Variants in HMG20A observed in about 807,000 individuals in gnomAD.
HMG20A encodes high mobility group protein 20A.
A neutral mutation model predicts 43.9 loss-of-function variants in HMG20A; 17 were observed. The ratio of observed to expected loss-of-function variants is 0.39; its 90% CI spans 0.27 to 0.58. The LOEUF (loss-of-function observed/expected upper bound fraction) is 0.58. Among genes scored for constraint, HMG20A ranks in the 20% least tolerant of loss-of-function variants. HMG20A has a pLI of 0.59. For synonymous variants in HMG20A, 132 were observed against 147.5 expected (o/e 0.89, Z 0.76); for missense variants, 341 against 438.2 (o/e 0.78, Z 1.98).
chr15:77,476,086 C>T (rs374742915), intron 6 of HMG20A, among the ~76,000 whole-genome samples: 16 of 152,308 alleles, frequency 1.1e-4, no homozygotes, highest in East Asian at 5.8e-4. Context: ...AGGCGGCCAC[C>T]GTTATGAATA....
At chr15:77,436,174 A>G (rs1350474143) in intron 1 of HMG20A, among the ~76,000 whole-genome samples, 1 of 152,176 alleles carries the variant, frequency 6.6e-6, no homozygotes, top group African/African-American at 2.4e-5. Flanking sequence ...TTATCTCCAT[A>G]AATGACAACT....
intron 1 of HMG20A, among the ~76,000 whole-genome samples, chr15:77,421,821 T>G (rs922714653): frequency 1.3e-5 from 2 of 152,258 alleles, no homozygotes; most frequent in Non-Finnish European, 2.9e-5. Context: ...AAAATTCTTA[T>G]GTGTAGCTTA....
chr15:77,488,477 T>G (rs1652693131), downstream of HMG20A, among the ~76,000 whole-genome samples: 1 of 152,228 alleles, frequency 6.6e-6, no homozygotes, highest in Admixed American at 6.5e-5. Context: ...AAAAGTTATT[T>G]GAATCTTACC....
At chr15:77,454,462 T>G (rs1567399047) in intron 1 of HMG20A, among the ~76,000 whole-genome samples, 1 of 152,142 alleles carries the variant, frequency 6.6e-6, no homozygotes, top group Admixed American at 6.6e-5. Context: ...TAATGCTGAC[T>G]GAGTTGGAGG....
the HMG20A span, among the ~76,000 whole-genome samples, chr15:77,504,329 G>T: frequency 2.0e-5 from 3 of 152,348 alleles, no homozygotes; most frequent in East Asian, 5.8e-4. Context: ...TGCAGGTGCT[G>T]AGAAGTGGGA....
chr15:77,458,405 G>C lies in HMG20A; in HGVS notation c.-3G>C, dbSNP rs1335056065. 6.2e-7 allele frequency: 1 copy of C among 1,606,934 alleles called. No individual in the cohort carries two copies. Among genetic ancestry groups the C allele is most frequent in the East Asian group, 2.2e-5 (1 of 44,820 alleles). ...TTTTTTATTCTCTTTTCCTTTCAGA[G>C]AGATGGAAAACTTGATGACTAGCTC... On this transcript the variant is annotated splice_region_variant and 5_prime_UTR_variant, in exon 2 of 10. Transcript: ENST00000336216.
chr15:77,491,825 C>T, the HMG20A span, among the ~76,000 whole-genome samples: 5 of 152,156 alleles, frequency 3.3e-5, no homozygotes, highest in African/African-American at 4.8e-5. Flanking sequence ...AGTAATTCAG[C>T]GTGACTGGAA....
At chr15:77,428,132 GT>G (rs902283735) in intron 1 of HMG20A, among the ~76,000 whole-genome samples, 42 of 152,146 alleles carry the variant, frequency 2.8e-4, no homozygotes, top group Non-Finnish European at 7.4e-5. Flanking sequence ...TTGTTGTTTT[GT>G]TTTGTTTTTA....
chr15:77,446,656 A>C (rs946787632), intron 1 of HMG20A, among the ~76,000 whole-genome samples: 1 of 152,006 alleles, frequency 6.6e-6, no homozygotes, highest in Non-Finnish European at 1.5e-5. Flanking sequence ...AAATACAAAA[A>C]ATTAGCCGGG....
At chr15:77,504,431 C>T in the HMG20A span, among the ~76,000 whole-genome samples, 2 of 152,232 alleles carry the variant, frequency 1.3e-5, no homozygotes, top group Non-Finnish European at 2.9e-5. Context: ...GGCTCAGGGC[C>T]CATTTCTGTT....
At chr15:77,459,989 T>G (rs1293570710) in intron 2 of HMG20A, among the ~76,000 whole-genome samples, 1 of 152,136 alleles carries the variant, frequency 6.6e-6, no homozygotes, top group Non-Finnish European at 1.5e-5. Flanking sequence ...GGGATAACAT[T>G]GGAGGGTTTC....
chr15:77,465,345 A>G (rs1310076193), intron 3 of HMG20A, among the ~76,000 whole-genome samples: 4 of 150,814 alleles, frequency 2.7e-5, no homozygotes, highest in Admixed American at 6.6e-5. Flanking sequence ...AAAGATTATA[A>G]TGAATGCTTA....
At chr15:77,444,007 G>A (rs1207180689) in intron 1 of HMG20A, among the ~76,000 whole-genome samples, 2 of 152,056 alleles carry the variant, frequency 1.3e-5, no homozygotes, top group East Asian at 1.9e-4. Context: ...CAACATGCCC[G>A]ACCTGTATCT....
chr15:77,432,376 AAAGT>A (rs1292019422), intron 1 of HMG20A, among the ~76,000 whole-genome samples: 1 of 152,190 alleles, frequency 6.6e-6, no homozygotes. Flanking sequence ...AATTAAACCC[AAAGT>A]AAGTAGAAGA....
chr15:77,498,835 C>T, the HMG20A span, among the ~76,000 whole-genome samples: 1 of 152,224 alleles, frequency 6.6e-6, no homozygotes, highest in Non-Finnish European at 1.5e-5. Context: ...TTAACCCCTT[C>T]GGATCTCCAT....
chr15:77,471,101 A>G, intron 5 of HMG20A, 59 bp downstream of exon 5: 2 of 1,546,318 alleles, frequency 1.3e-6, no homozygotes, highest in Non-Finnish European at 1.8e-6. Context: ...AGTGTCATAA[A>G]GCCAACTGTT....
chr15:77,507,635 GT>G, the HMG20A span, among the ~76,000 whole-genome samples: 1 of 152,262 alleles, frequency 6.6e-6, no homozygotes, highest in African/African-American at 2.4e-5. Context: ...CCAGGGAGCT[GT>G]GGGGACACTT....
At chr15:77,427,328 A>T (rs965518566) in intron 1 of HMG20A, among the ~76,000 whole-genome samples, 2 of 152,280 alleles carry the variant, frequency 1.3e-5, no homozygotes, top group East Asian at 3.9e-4. Flanking sequence ...ATTAAATAAA[A>T]CTATAGCTAT....
chr15:77,430,100 A>G (rs966864251), intron 1 of HMG20A, among the ~76,000 whole-genome samples: 2 of 152,210 alleles, frequency 1.3e-5, no homozygotes, highest in East Asian at 1.9e-4. Context: ...TAAATTATTA[A>G]ATCTATATAA....
Sources: allele counts gnomAD v4.1 joint callset (sites outside exome capture counted in the v4.1 genomes callset), GRCh38; gene constraint gnomAD v4.1.1; transcripts MANE v1.5; gene names NCBI Gene and HGNC (gene_info 2026-07-23, HGNC 2026-07-21).